Variants in ARHGEF28 observed in about 807,000 individuals in gnomAD.
ARHGEF28 encodes Rho guanine nucleotide exchange factor 28, also known as 190 kDa guanine nucleotide exchange factor.
ARHGEF28 carries 152 observed loss-of-function variants against 206.6 expected under a neutral mutation model. The ratio of observed to expected loss-of-function variants is 0.74; its 90% CI spans 0.64 to 0.84. The LOEUF (loss-of-function observed/expected upper bound fraction) is 0.84. Ranked by LOEUF, ARHGEF28 falls within the 40% of genes least tolerant of loss-of-function variation. ARHGEF28 has a pLI of 0.00. For missense variants in ARHGEF28, 2,028 were observed against 2,073.2 expected, an observed-to-expected ratio of 0.98 and a Z score of 0.42; for synonymous variants, 763 against 776.4, an observed-to-expected ratio of 0.98 and a Z score of 0.29.
chr5:73,911,423 A>G lies in ARHGEF28; in HGVS notation c.4796A>G (p.His1599Arg). 6.2e-7 allele frequency: 1 copy of G among 1,613,198 alleles called. No homozygotes were observed. The highest frequency in any genetic ancestry group is 8.5e-7 in the Non-Finnish European group (1 of 1,179,160). The change falls in exon 35 of 36, where the codon CAT becomes CGT. Residue 1599 changes from histidine to arginine, a missense_variant. Transcript: ENST00000513042. ...GCCACTTACCCTACAACTCAATCTC[A>G]TTCTGACTTGGTGAGGACTAGTGAA... Reference protein sequence around the residue: ...QDATYPTTQSHSDLVRTSEHQ... With the variant: ...QDATYPTTQSRSDLVRTSEHQ...
chr5:73,707,920 C>T (rs1002880003), intron 2 of ARHGEF28, among the ~76,000 whole-genome samples: 1 of 151,982 alleles, frequency 6.6e-6, no homozygotes, highest in Non-Finnish European at 1.5e-5. Context: ...TTTTTTTATT[C>T]CAGTCTAATA....
chr5:73,838,608 A>G (rs1353016445), intron 10 of ARHGEF28, among the ~76,000 whole-genome samples: 2 of 152,222 alleles, frequency 1.3e-5, no homozygotes, highest in African/African-American at 4.8e-5. Context: ...ATATTTTACT[A>G]CATTTTACAT....
intron 4 of ARHGEF28, among the ~76,000 whole-genome samples, chr5:73,765,900 C>A (rs939233453): frequency 2.0e-5 from 3 of 152,132 alleles, no homozygotes; most frequent in Non-Finnish European, 4.4e-5. Flanking sequence ...CGCCTGTAAT[C>A]CCAGCACTTT....
intron 9 of ARHGEF28, among the ~76,000 whole-genome samples, chr5:73,796,107 G>T (rs983762324): frequency 1.3e-4 from 20 of 152,322 alleles, no homozygotes; most frequent in Non-Finnish European, 1.8e-4. Flanking sequence ...TATCTCTTGA[G>T]TTACTTAGAG....
intron 22 of ARHGEF28, 23 bp from the exon 23 acceptor site, chr5:73,882,449 T>G: frequency 7.3e-7 from 1 of 1,376,218 alleles, no homozygotes; most frequent in South Asian, 1.5e-5. Context: ...TTACAAACCA[T>G]TATTTAAATG....
At chr5:73,781,128 T>C (rs1172813464) in intron 7 of ARHGEF28, among the ~76,000 whole-genome samples, 1 of 152,178 alleles carries the variant, frequency 6.6e-6, no homozygotes, top group African/African-American at 2.4e-5. Context: ...TACTTTTTGC[T>C]AAGCAAGGAT....
intron 30 of ARHGEF28, chr5:73,900,135 G>A (rs930650381): frequency 4.6e-5 from 7 of 152,168 alleles, no homozygotes; most frequent in Admixed American, 1.3e-4. Context: ...TTTCCGTTTA[G>A]ACAAAAACTT....
At chr5:73,730,047 A>G (rs1176512017) in intron 2 of ARHGEF28, among the ~76,000 whole-genome samples, 1 of 152,232 alleles carries the variant, frequency 6.6e-6, no homozygotes, top group Non-Finnish European at 1.5e-5. Flanking sequence ...TTCAGTGAAT[A>G]TATCGCCATC....
chr5:73,706,057 A>G (rs1356812299), intron 2 of ARHGEF28, among the ~76,000 whole-genome samples: 3 of 152,202 alleles, frequency 2.0e-5, no homozygotes, highest in African/African-American at 7.2e-5. Context: ...GCAGCCATCA[A>G]AGCTCTGAGT....
chr5:73,692,866 C>T (rs1747924111), intron 2 of ARHGEF28, among the ~76,000 whole-genome samples: 1 of 152,170 alleles, frequency 6.6e-6, no homozygotes, highest in Non-Finnish European at 1.5e-5. Context: ...CTTTTGGGTC[C>T]TGTGGAAGGA....
intron 2 of ARHGEF28, among the ~76,000 whole-genome samples, chr5:73,738,533 G>A (rs1372289533): frequency 1.3e-5 from 2 of 151,612 alleles, no homozygotes; most frequent in East Asian, 1.9e-4. Context: ...ATGTGCATGT[G>A]TGTGTGTACG....
intron 2 of ARHGEF28, among the ~76,000 whole-genome samples, chr5:73,709,890 T>G (rs1749144701): frequency 6.6e-6 from 1 of 152,204 alleles, no homozygotes; most frequent in Admixed American, 6.5e-5. Flanking sequence ...TGTTCCTGCT[T>G]TTGTGTGAAA....
intron 33 of ARHGEF28, chr5:73,905,409 C>T (rs747669919): frequency 5.3e-5 from 8 of 151,792 alleles, no homozygotes; most frequent in East Asian, 1.9e-4. Context: ...TCAGTGTGTC[C>T]GATGGCTTAA....
In ARHGEF28 at chr5:73,629,676, C is replaced by T. The variant is rs140118304; in HGVS notation, c.-12+3354C>T. ...TAACATTATTGCTCCTGGACTTCTT[C>T]TCCTGGATAACCAAGATAATGAGAT... On this transcript the variant is annotated intron_variant, in intron 1 of 35. Coordinates refer to ENST00000513042, the MANE Select transcript of ARHGEF28 (RefSeq NM_001177693.2). 3.9e-5 allele frequency among the ~76,000 whole-genome samples: 6 copies of T among 152,108 alleles called. No individual in the cohort carries two copies. In the East Asian group the frequency reaches 9.7e-4, roughly 24 times the overall value.
intron 2 of ARHGEF28, among the ~76,000 whole-genome samples, chr5:73,690,524 A>AC (rs1747748539): frequency 7.1e-6 from 1 of 141,048 alleles, no homozygotes; most frequent in African/African-American, 2.8e-5. Context: ...CTCTGTCTTT[A>AC]CAAAAAAAAA....
chr5:73,848,613 C>G (rs1025660655), intron 12 of ARHGEF28, among the ~76,000 whole-genome samples: 1 of 151,892 alleles, frequency 6.6e-6, no homozygotes, highest in East Asian at 1.9e-4. Flanking sequence ...TGTTAGAGGG[C>G]TACAGTAAAA....
intron 2 of ARHGEF28, among the ~76,000 whole-genome samples, chr5:73,734,736 T>G (rs1235810523): frequency 6.6e-6 from 1 of 152,212 alleles, no homozygotes; most frequent in African/African-American, 2.4e-5. Context: ...ATGCAAGAAC[T>G]GATACCACTT....
chr5:73,719,811 T>C (rs1350030820), intron 2 of ARHGEF28, among the ~76,000 whole-genome samples: 1 of 152,256 alleles, frequency 6.6e-6, no homozygotes, highest in African/African-American at 2.4e-5. Context: ...CCACAGCAGG[T>C]GTCTGTTCCT....
chr5:73,665,028 T>G (rs947157333), intron 1 of ARHGEF28, among the ~76,000 whole-genome samples: 10 of 152,128 alleles, frequency 6.6e-5, no homozygotes, highest in African/African-American at 2.4e-4. Flanking sequence ...TCTCCTAATA[T>G]CTCTTGAATT....
Sources: allele counts gnomAD v4.1 joint callset (sites outside exome capture counted in the v4.1 genomes callset), GRCh38; gene constraint gnomAD v4.1.1; transcripts MANE v1.5; gene names NCBI Gene and HGNC (gene_info 2026-07-23, HGNC 2026-07-21).